The following PRMT1 variants were observed in gnomAD, a reference collection of about 807,000 sequenced individuals.
PRMT1 encodes the protein protein arginine N-methyltransferase 1.
PRMT1 carries 5 observed loss-of-function variants against 47.4 expected under a neutral mutation model. The ratio of observed to expected loss-of-function variants is 0.11; its 90% confidence interval spans 0.06 to 0.22. The LOEUF is 0.22. Ranked by LOEUF, PRMT1 falls within the 10% of genes least tolerant of loss-of-function variation. The pLI is 1.00. For synonymous variants in PRMT1, 227 were observed against 204.6 expected (o/e 1.11, Z -0.94); for missense variants, 249 against 518.4 (o/e 0.48, Z 5.05).
chr19:49,684,211 G>T lies in PRMT1; in HGVS notation c.555+142G>T. 8.3e-7 allele frequency: 1 copy of T among 1,201,040 alleles called. No individual in the cohort carries two copies. Among genetic ancestry groups the T allele is most frequent in the Non-Finnish European group, 1.2e-6 (1 of 850,392 alleles). 74.4% of individuals were successfully genotyped at this position (1,201,040 alleles called of 1,614,324 possible). A position where few individuals can be genotyped will look rare whatever the true frequency, so the allele number is the denominator to read the frequency against. On this transcript the variant is annotated intron_variant, in intron 6 of 10. Transcript: ENST00000454376. The surrounding 1 kb of genome is among the most constrained non-coding windows in gnomAD (Gnocchi z 6.2). ...GTTAGAAAGCCACAGCCCAAGCCAG[G>T]TGTGACAGACCCTGGAGGGAGATGG... is the stretch of plus-strand genomic sequence containing the variant.
rs1568488613 is a variant in PRMT1 at position 49,685,061 on chromosome 19, T to G, written c.759+24T>G. 1 of 1,613,964 alleles carries G rather than the reference T, an allele frequency of 6.2e-7. No homozygotes were observed. The highest frequency in any genetic ancestry group is 2.2e-5 in the East Asian group (1 of 44,880). Reference sequence around the variant, plus strand: ...AGGTGAGGGGGTGGGCATGGCCAGGTGCCCCCTGGGTTGAAACCAAAGAGA... The same window carrying G: ...AGGTGAGGGGGTGGGCATGGCCAGGGGCCCCCTGGGTTGAAACCAAAGAGA... On this transcript the variant is annotated intron_variant, in intron 8 of 10. Transcript: ENST00000454376. The surrounding 1 kb of genome is among the most constrained non-coding windows in gnomAD (Gnocchi z 4.7).
chr19:49,683,845 C>T, intron 5 of PRMT1, 82 bp from the exon 6 acceptor site: 5 of 1,521,720 alleles, frequency 3.3e-6, no homozygotes, highest in Non-Finnish European at 3.6e-6. Context: ...GAAGTGGGGT[C>T]CCCAGGCTCT....
Position 49,688,212 on chromosome 19 carries a change from G to T in PRMT1, c.1083G>T (p.Glu361Asp), listed in dbSNP as rs769054141. ...TGGACTTCAAGGGCCAGCTGTGCGA[G>T]CTGTCCTGCTCCACCGACTACCGGA... ...IDLDFKGQLC[E>D]LSCSTDYRMR The change falls in exon 11 of 11, where the codon GAG (glutamate) becomes GAT (aspartate). Residue 361 changes from glutamate (E) to aspartate (D), a missense_variant. Glu to Asp is a conservative substitution (Grantham distance 45). This residue lies in a region of PRMT1 where 190 missense variants were observed against 456.7 expected (regional missense o/e 0.42). Coordinates refer to ENST00000454376, the MANE Select transcript of PRMT1 (RefSeq NM_001536.6). The surrounding 1 kb of genome is among the most constrained non-coding windows in gnomAD (Gnocchi z 5.3). The T allele has an allele frequency of 6.2e-7, 1 of 1,614,028 alleles. No individual in the cohort carries two copies. Among genetic ancestry groups the T allele is most frequent in the East Asian group, 2.2e-5 (1 of 44,868 alleles).
Position 49,684,491 on chromosome 19 carries a change from G to C in PRMT1, c.556-263G>C, listed in dbSNP as rs1599947594. Among the ~76,000 whole-genome samples, 1 of 152,278 alleles carries C rather than the reference G, an allele frequency of 6.6e-6. No homozygotes were observed. The highest frequency in any genetic ancestry group is 1.9e-4 in the East Asian group (1 of 5,188). On this transcript the variant is annotated intron_variant, in intron 6 of 10. Transcript: ENST00000454376. The surrounding 1 kb of genome is among the most constrained non-coding windows in gnomAD (Gnocchi z 6.2). Reference sequence around the variant, plus strand: ...ACAGGGCGTGTGCAGATTTTGTGGAGGCTTATGGGACCCCGTGCTTTTCCT... The same window carrying C: ...ACAGGGCGTGTGCAGATTTTGTGGACGCTTATGGGACCCCGTGCTTTTCCT...
In PRMT1 at chr19:49,686,490, C is replaced by T. The variant is rs1478691936; in HGVS notation, c.911-115C>T. ...AAAGCTCAATGACAGGGAGGTGACT[C>T]GCGGATAGCAGTCCCATCAGCTGTC... On this transcript the variant is annotated intron_variant, in intron 9 of 10. Transcript: ENST00000454376. 22 of 1,226,090 alleles carry T rather than the reference C, an allele frequency of 1.8e-5. No homozygotes were observed. The South Asian group carries it at 1.9e-4, about 10-fold the overall frequency. The allele number at this position is 1,226,090 out of a possible 1,614,324, so 76.0% of individuals were successfully genotyped here.
In PRMT1 at chr19:49,681,404, G is replaced by C. The variant is rs554256983; in HGVS notation, c.193-506G>C. On this transcript the variant is annotated intron_variant, in intron 3 of 10. Transcript: ENST00000454376. This position sits in a 1 kb window ranked among gnomAD's most constrained non-coding sequence, Gnocchi z 4.4. ...TTCTTAGGTAGCAGTGGTGAAGTCC[G>C]GCCAAGATTGGAGTTTAGACCATCT... 9.9e-5 allele frequency among the ~76,000 whole-genome samples: 15 copies of C among 152,048 alleles called. No homozygotes were observed. Among genetic ancestry groups the C allele is most frequent in the Non-Finnish European group, 2.1e-4 (14 of 68,000 alleles).
At chr19:49,677,944 G>A (rs2082061561) in intron 1 of PRMT1, among the ~76,000 whole-genome samples, 2 of 152,138 alleles carry the variant, frequency 1.3e-5, no homozygotes, top group Non-Finnish European at 2.9e-5. Flanking sequence ...CGCCGACCCC[G>A]TTTCCCCTCC....
rs2082190305 is a variant in PRMT1 at position 49,685,421 on chromosome 19, G to A, written c.759+384G>A. The A allele has an allele frequency of 9.2e-6, 11 of 1,192,152 alleles. No individual in the cohort carries two copies. Among genetic ancestry groups the A allele is most frequent in the Middle Eastern group, 3.7e-4 (1 of 2,690 alleles). The allele number at this position is 1,192,152 out of a possible 1,614,324, so 73.8% of individuals were successfully genotyped here. A position where few individuals can be genotyped will look rare whatever the true frequency, so the allele number is the denominator to read the frequency against. Reference sequence around the variant, plus strand: ...GCCTGAGGTCCCAGCTACTCGGGAGGATCACTTGGGCCTGGGAGTTCAAGG... The same window carrying A: ...GCCTGAGGTCCCAGCTACTCGGGAGAATCACTTGGGCCTGGGAGTTCAAGG... On this transcript the variant is annotated intron_variant, in intron 8 of 10. Transcript: ENST00000454376. This position sits in a 1 kb window ranked among gnomAD's most constrained non-coding sequence, Gnocchi z 4.7.
chr19:49,677,224 G>T, upstream of PRMT1: 1 of 1,399,470 alleles, frequency 7.1e-7, no homozygotes, highest in Non-Finnish European at 9.3e-7. Context: ...CGGTCCCGGG[G>T]GAGTGAGGAG....
At chr19:49,682,596 C>G (rs2082135032) in intron 5 of PRMT1, among the ~76,000 whole-genome samples, 1 of 152,112 alleles carries the variant, frequency 6.6e-6, no homozygotes, top group Non-Finnish European at 1.5e-5. Flanking sequence ...GAAGTCTGGA[C>G]CTACAAACAC....
chr19:49,684,842 G>A lies in PRMT1; in HGVS notation c.643+1G>A. The A allele has an allele frequency of 6.2e-7, 1 of 1,612,218 alleles. No homozygotes were observed. On this transcript the variant is annotated splice_donor_variant, in intron 7 of 10. Transcript: ENST00000454376. LOFTEE classifies it high-confidence loss of function. This position sits in a 1 kb window ranked among gnomAD's most constrained non-coding sequence, Gnocchi z 6.2. ...CAGTACAAAGACTACAAGATCCACTGTGAGCGCGGCCCGGGAGCTGGCGGG... is the reference window on the plus strand; with the variant it reads ...CAGTACAAAGACTACAAGATCCACTATGAGCGCGGCCCGGGAGCTGGCGGG...
At chr19:49,683,889 T>TC (rs1242283150) in intron 5 of PRMT1, 38 bp from the exon 6 acceptor site, 2 of 1,590,856 alleles carry the variant, frequency 1.3e-6, no homozygotes, top group African/African-American at 1.4e-5. Flanking sequence ...GGGGCAGGCC[T>TC]CCCGGGGGCT....
rs2082198258 is a variant in PRMT1, at chr19:49,685,945, A to G, written c.760-148A>G. 1 of 1,454,918 alleles carries G rather than the reference A, an allele frequency of 6.9e-7. No individual in the cohort carries two copies. The highest frequency in any genetic ancestry group is 9.0e-7 in the Non-Finnish European group (1 of 1,110,586). The allele number at this position is 1,454,918 out of a possible 1,614,324, so 90.1% of individuals were successfully genotyped here. On this transcript the variant is annotated intron_variant, in intron 8 of 10. Transcript: ENST00000454376. The surrounding 1 kb of genome is among the most constrained non-coding windows in gnomAD (Gnocchi z 4.7). The stretch of plus-strand genomic sequence containing the variant: ...AGCCGGATAGGCAGGATGCAGAGTG[A>G]AGGAGGAGCCGAGGCTGGGTGCCAG...
intron 10 of PRMT1, among the ~76,000 whole-genome samples, chr19:49,687,214 A>G (rs1396346456): frequency 6.6e-6 from 1 of 151,622 alleles, no homozygotes; most frequent in Non-Finnish European, 1.5e-5. Context: ...TTTCCTCCTG[A>G]GCACTTGGCA....
In PRMT1 at chr19:49,685,725, G is replaced by T; in HGVS notation, c.760-368G>T. The T allele has an allele frequency of 9.5e-7, 1 of 1,054,200 alleles. No individual in the cohort carries two copies. The highest frequency in any genetic ancestry group is 1.1e-6 in the Non-Finnish European group (1 of 872,780). 65.3% of individuals were successfully genotyped at this position (1,054,200 alleles called of 1,614,324 possible). On this transcript the variant is annotated intron_variant, in intron 8 of 10. Coordinates refer to ENST00000454376, the MANE Select transcript of PRMT1 (RefSeq NM_001536.6). The surrounding 1 kb of genome is among the most constrained non-coding windows in gnomAD (Gnocchi z 4.7). ...CCTCCTGAGAGCCAGGGGAACTGGC[G>T]CAGGGTTTAGGTTGGCATTTGTGTT...
chr19:49,684,865 G>A lies in PRMT1; in HGVS notation c.643+24G>A, dbSNP rs769161556. On this transcript the variant is annotated intron_variant, in intron 7 of 10. Coordinates refer to ENST00000454376, the MANE Select transcript of PRMT1 (RefSeq NM_001536.6). This position sits in a 1 kb window ranked among gnomAD's most constrained non-coding sequence, Gnocchi z 6.2. ...CTGTGAGCGCGGCCCGGGAGCTGGCGGGCGGGGCCTCGGGTGGGCTGCTGC... is the reference window on the plus strand; with the variant it reads ...CTGTGAGCGCGGCCCGGGAGCTGGCAGGCGGGGCCTCGGGTGGGCTGCTGC... 49 of 1,611,326 alleles carry A rather than the reference G, an allele frequency of 3.0e-5. 1 individual carries two copies. The highest frequency in any genetic ancestry group is 2.6e-4 in the South Asian group (24 of 90,936).
At position 49,677,304 on chromosome 19, in the gene PRMT1, C is replaced by T; in HGVS notation, c.24C>T (p.Asn8=). Residue 8 remains asparagine, a synonymous_variant, in exon 1 of 11, where the codon AAC becomes AAT. Transcript: ENST00000454376. ...AGATGGCGGCAGCCGAGGCCGCGAA[C>T]TGCATCATGGAGGTGAGCGCTTGGA... MAAAEAA[N]CIMENFVATL... The T allele has an allele frequency of 2.8e-6, 4 of 1,410,224 alleles. No homozygotes were observed. Among genetic ancestry groups the T allele is most frequent in the Non-Finnish European group, 3.7e-6 (4 of 1,079,148 alleles). The allele number at this position is 1,410,224 out of a possible 1,614,324, so 87.4% of individuals were successfully genotyped here.
Position 49,677,291 on chromosome 19 carries a change from C to T in PRMT1, c.11C>T (p.Ala4Val), listed in dbSNP as rs745946763. The T allele has an allele frequency of 5.7e-6, 8 of 1,413,154 alleles. No homozygotes were observed. In the South Asian group the frequency reaches 1.1e-4, roughly 20 times the overall value. 87.5% of individuals were successfully genotyped at this position (1,413,154 alleles called of 1,614,324 possible). ...TAGGTGCGGGTGAAGATGGCGGCAG[C>T]CGAGGCCGCGAACTGCATCATGGAG... MAA[A>V]EAANCIMENF... The change falls in exon 1 of 11, where the codon GCC (alanine) becomes GTC (valine). Residue 4 changes from alanine (A) to valine (V), a missense_variant. Around this residue, in one of 2 missense-constraint regions of PRMT1, gnomAD observed 59 missense variants for 61.7 expected, o/e 0.96. Coordinates refer to ENST00000454376, the MANE Select transcript of PRMT1 (RefSeq NM_001536.6).
chr19:49,687,718 C>T (rs940795311), intron 10 of PRMT1: 2 of 214,548 alleles, frequency 9.3e-6, no homozygotes, highest in African/African-American at 4.5e-5. Flanking sequence ...GAGGAGGAGT[C>T]CTCGGGCGTT....
Sources: allele counts gnomAD v4.1 joint callset (sites outside exome capture counted in the v4.1 genomes callset), GRCh38; gene constraint gnomAD v4.1.1; regional missense constraint gnomAD v4.1.1; non-coding constraint Gnocchi (gnomAD v3.1); transcripts MANE v1.5; gene names NCBI Gene and HGNC (gene_info 2026-07-23, HGNC 2026-07-21).